The following PROX1 variants were observed in gnomAD, a reference collection of about 807,000 sequenced individuals.
The protein encoded by PROX1 is prospero homeobox 1.
A neutral mutation model predicts 58.8 loss-of-function variants in PROX1; 7 were observed. The ratio of observed to expected loss-of-function variants is 0.12; its 90% confidence interval spans 0.07 to 0.22. The LOEUF is 0.22. PROX1 is among the 10% of genes least tolerant of loss of function. PROX1 has a pLI of 1.00. For synonymous variants in PROX1, 350 were observed against 358.3 expected, an observed-to-expected ratio of 0.98 and a Z score of 0.26; for missense variants, 675 against 927.8, an observed-to-expected ratio of 0.73 and a Z score of 3.54.
At chr1:214,023,381 G>A (rs1350545696) in intron 4 of PROX1, among the ~76,000 whole-genome samples, 6 of 151,356 alleles carry the variant, frequency 4.0e-5, no homozygotes, top group South Asian at 2.1e-4. Context: ...TTGAGACACA[G>A]AGTGTTGCAC....
At chr1:213,992,128 T>G (rs1481298276) in intron 1 of PROX1, among the ~76,000 whole-genome samples, 2 of 152,172 alleles carry the variant, frequency 1.3e-5, no homozygotes, top group Middle Eastern at 3.2e-3. Context: ...GAAATTAATA[T>G]TTTAGGCATG....
upstream of PROX1, chr1:213,986,171 A>T (rs927487817): frequency 1.3e-5 from 2 of 151,858 alleles, no homozygotes; most frequent in Non-Finnish European, 2.9e-5. Context: ...CGGTTAGAAC[A>T]CCTGATACAA....
chr1:213,996,295 C>A (rs1008599732), intron 1 of PROX1, among the ~76,000 whole-genome samples, 174 bp from the exon 2 acceptor site: 2 of 151,954 alleles, frequency 1.3e-5, no homozygotes, highest in African/African-American at 4.8e-5. Flanking sequence ...ACCAGTGGAG[C>A]AGAAATATTT....
intron 4 of PROX1, among the ~76,000 whole-genome samples, chr1:214,025,286 G>C (rs1005949149): frequency 6.6e-6 from 1 of 152,110 alleles, no homozygotes; most frequent in Admixed American, 6.5e-5. Context: ...TGAATCAATC[G>C]AACTATCCTC....
Position 214,032,055 on chromosome 1 carries a change from T to C in PROX1, c.2029-3594T>C, listed in dbSNP as rs543242185. On this transcript the variant is annotated intron_variant, in intron 4 of 4. Coordinates refer to ENST00000366958, the MANE Select transcript of PROX1 (RefSeq NM_001270616.2). ...TATTTGTTCACAAAGAATTCATTTC[T>C]TCCCAAATATAAACCAATAACCAAA... Among the ~76,000 whole-genome samples the C allele has an allele frequency of 2.8e-4, 43 of 152,350 alleles. No individual in the cohort carries two copies. The South Asian group carries it at 8.9e-3, about 32-fold the overall frequency.
chr1:213,999,374 G>A (rs1663408540), intron 2 of PROX1, among the ~76,000 whole-genome samples: 1 of 152,188 alleles, frequency 6.6e-6, no homozygotes, highest in African/African-American at 2.4e-5. Flanking sequence ...TAAGTTGGCT[G>A]TGACTAAATT....
chr1:213,990,717 G>A (rs542972628), intron 1 of PROX1, among the ~76,000 whole-genome samples: 10 of 143,972 alleles, frequency 6.9e-5, no homozygotes, highest in African/African-American at 2.5e-4. Context: ...TGTGTGTGGT[G>A]TATGCTTTGG....
At chr1:214,035,552 C>T (rs1571849565) in intron 4 of PROX1, 97 bp from the exon 5 acceptor site, 2 of 1,265,262 alleles carry the variant, frequency 1.6e-6, no homozygotes, top group East Asian at 4.8e-5. Flanking sequence ...CATGTAAGCC[C>T]CTTTCTGCAA....
intron 3 of PROX1, among the ~76,000 whole-genome samples, chr1:214,009,358 A>T (rs180817324): frequency 6.6e-6 from 1 of 152,306 alleles, no homozygotes; most frequent in African/African-American, 2.4e-5. Context: ...GCTTTCCTTT[A>T]TAGAACAATT....
chr1:214,007,465 G>GT (rs1407460410), intron 3 of PROX1, among the ~76,000 whole-genome samples: 1 of 152,126 alleles, frequency 6.6e-6, no homozygotes, highest in Non-Finnish European at 1.5e-5. Context: ...TCCTAATTAT[G>GT]TTTTTTCTTT....
rs1424258433 is a variant in PROX1, at chr1:214,039,624, C to A, written c.*3790C>A. 1 of 152,198 alleles carries A rather than the reference C, an allele frequency of 6.6e-6. No individual in the cohort carries two copies. Among genetic ancestry groups the A allele is most frequent in the Non-Finnish European group, 1.5e-5 (1 of 68,038 alleles). 9.4% of individuals were successfully genotyped at this position (152,198 alleles called of 1,614,324 possible). On this transcript the variant is annotated 3_prime_UTR_variant, in exon 5 of 5. Coordinates refer to ENST00000366958, the MANE Select transcript of PROX1 (RefSeq NM_001270616.2). ...AGGAACACTACAGTGACTGTATAGA[C>A]AGTTGAAAGCATTCTTGAAAATCCT...
chr1:213,999,294 T>C (rs1298789448), intron 2 of PROX1, among the ~76,000 whole-genome samples: 1 of 152,134 alleles, frequency 6.6e-6, no homozygotes, highest in East Asian at 1.9e-4. Context: ...AGTAGTAAAA[T>C]AGTAGCATTT....
chr1:214,034,932 C>A (rs533557934), intron 4 of PROX1, among the ~76,000 whole-genome samples: 1 of 149,056 alleles, frequency 6.7e-6, no homozygotes, highest in Non-Finnish European at 1.5e-5. Flanking sequence ...AGTAAATACT[C>A]GAAAAAAGTT....
chr1:214,035,757 G>T lies in PROX1; in HGVS notation c.2137G>T (p.Val713Phe). The T allele has an allele frequency of 6.2e-7, 1 of 1,613,984 alleles. No homozygotes were observed. The highest frequency in any genetic ancestry group is 8.5e-7 in the Non-Finnish European group (1 of 1,179,934). ...TTCCTGGAAGAAGGCCATATACAAG[G>T]TCATCTGCAAGCTGGATAGTGAAGT... ...DPSWKKAIYKVICKLDSEVPE... is the reference protein window; with the variant it reads ...DPSWKKAIYKFICKLDSEVPE... Residue 713 changes from valine (V) to phenylalanine (F), a missense_variant, in exon 5 of 5, where the codon GTC (valine) becomes TTC (phenylalanine). By Grantham distance (50) the Val-to-Phe change is conservative (BLOSUM62 -1). Coordinates refer to ENST00000366958, the MANE Select transcript of PROX1 (RefSeq NM_001270616.2).
intron 4 of PROX1, among the ~76,000 whole-genome samples, chr1:214,019,552 G>C (rs998313446): frequency 6.6e-6 from 1 of 152,198 alleles, no homozygotes; most frequent in African/African-American, 2.4e-5. Flanking sequence ...GGCAGAGATC[G>C]TTAGGTGGGT....
Position 214,035,829 on chromosome 1 carries a change from G to T in PROX1, c.2209G>T (p.Glu737Ter). Residue 737 changes from glutamate (E) to a stop codon, truncating the protein, a stop_gained, in exon 5 of 5, where the codon GAG becomes TAG. Transcript: ENST00000366958. LOFTEE classifies it high-confidence loss of function. ...SPNCLQELLH[E>*] ...GAACTGCCTACAAGAGCTGCTTCAT[G>T]AGTAGAAATTTCAACAACTCTTTTT... 6.2e-7 allele frequency: 1 copy of T among 1,607,192 alleles called. No homozygotes were observed. The highest frequency in any genetic ancestry group is 8.5e-7 in the Non-Finnish European group (1 of 1,176,882).
intron 1 of PROX1, among the ~76,000 whole-genome samples, chr1:213,995,775 A>T (rs1037537291): frequency 3.9e-5 from 6 of 152,168 alleles, no homozygotes; most frequent in African/African-American, 1.4e-4. Flanking sequence ...TTCACCTATG[A>T]TTTTACAAGT....
intron 4 of PROX1, among the ~76,000 whole-genome samples, chr1:214,013,515 T>G (rs1410963536): frequency 1.3e-5 from 2 of 152,202 alleles, no homozygotes; most frequent in Non-Finnish European, 2.9e-5. Flanking sequence ...AGATGACTTC[T>G]GCATTTTTGC....
At chr1:214,022,942 T>A (rs540106789) in intron 4 of PROX1, among the ~76,000 whole-genome samples, 1 of 152,200 alleles carries the variant, frequency 6.6e-6, no homozygotes, top group African/African-American at 2.4e-5. Context: ...GTGAGGCCCC[T>A]TCTACCCTGG....
Sources: allele counts gnomAD v4.1 joint callset (sites outside exome capture counted in the v4.1 genomes callset), GRCh38; gene constraint gnomAD v4.1.1; transcripts MANE v1.5; gene names NCBI Gene and HGNC (gene_info 2026-07-23, HGNC 2026-07-21).